Variants in TMEM117 observed in about 807,000 individuals in gnomAD.
TMEM117 encodes the protein transmembrane protein 117.
In TMEM117, 27 loss-of-function variants were observed where a neutral mutation model predicts 52.4. The observed-to-expected ratio is 0.51, with a 90% CI of 0.38 to 0.71. TMEM117 has a LOEUF of 0.71. Among genes scored for constraint, TMEM117 ranks in the 30% least tolerant of loss-of-function variants. The pLI is 0.00. For synonymous variants in TMEM117, 215 were observed against 206.3 expected (o/e 1.04, Z -0.36); for missense variants, 556 against 630.5 (o/e 0.88, Z 1.26).
At chr12:44,055,699 A>C (rs1465063555) in intron 3 of TMEM117, among the ~76,000 whole-genome samples, 1 of 152,162 alleles carries the variant, frequency 6.6e-6, no homozygotes, top group Non-Finnish European at 1.5e-5. Context: ...ATATTTGTAA[A>C]GTGCTTAGAA....
chr12:44,190,769 T>C (rs913343937), intron 4 of TMEM117, among the ~76,000 whole-genome samples: 8 of 151,808 alleles, frequency 5.3e-5, no homozygotes, highest in Admixed American at 2.6e-4. Flanking sequence ...TCCCAACAAG[T>C]GTGAAGAGAT....
chr12:44,270,570 T>C (rs1950434147), intron 5 of TMEM117, among the ~76,000 whole-genome samples: 2 of 152,098 alleles, frequency 1.3e-5, no homozygotes, highest in Admixed American at 1.3e-4. Context: ...AGAGTGACAG[T>C]TTTACTTCCT....
intron 3 of TMEM117, among the ~76,000 whole-genome samples, chr12:44,015,529 G>A (rs890609284): frequency 1.3e-5 from 2 of 151,968 alleles, no homozygotes; most frequent in African/African-American, 4.8e-5. Flanking sequence ...AATTAAAATC[G>A]CTAGAGGGCA....
chr12:43,926,418 A>G (rs992326396), intron 2 of TMEM117, among the ~76,000 whole-genome samples: 1 of 152,204 alleles, frequency 6.6e-6, no homozygotes, highest in South Asian at 2.1e-4. Context: ...AAACATTTTC[A>G]TAAGCTAGGG....
chr12:44,388,419 A>C lies in TMEM117; in HGVS notation c.1292A>C (p.Tyr431Ser). The C allele has an allele frequency of 6.2e-7, 1 of 1,613,444 alleles. No individual in the cohort carries two copies. Among genetic ancestry groups the C allele is most frequent in the Non-Finnish European group, 8.5e-7 (1 of 1,179,662 alleles). ...CGCATGGAGAATCAAGACAAAACTT[A>C]CACTCGCATGAAAAGAAAATCTCCA... is the stretch of plus-strand genomic sequence containing the variant. ...EPRMENQDKTYTRMKRKSPSE... is the reference protein window; with the variant it reads ...EPRMENQDKTSTRMKRKSPSE... The change falls in exon 8 of 8, where the codon TAC becomes TCC. Residue 431 changes from tyrosine (Y) to serine (S), a missense_variant. Around this residue, in one of 3 missense-constraint regions of TMEM117, gnomAD observed 206 missense variants for 211.1 expected, o/e 0.98. Coordinates refer to ENST00000266534, the MANE Select transcript of TMEM117 (RefSeq NM_032256.3).
intron 3 of TMEM117, among the ~76,000 whole-genome samples, chr12:43,977,277 G>A (rs779597803): frequency 2.0e-5 from 3 of 152,062 alleles, no homozygotes; most frequent in Non-Finnish European, 4.4e-5. Context: ...AATGTCCGGG[G>A]CTTGTGTCAT....
intron 6 of TMEM117, among the ~76,000 whole-genome samples, chr12:44,374,032 T>G (rs1453371251): frequency 6.6e-6 from 1 of 152,040 alleles, no homozygotes; most frequent in Non-Finnish European, 1.5e-5. Context: ...TCTGCCCACC[T>G]CTGTCTCCCA....
At position 43,880,157 on chromosome 12, in the gene TMEM117, C is replaced by T. The variant is rs374233308; in HGVS notation, c.277+35229C>T. 5.3e-5 allele frequency among the ~76,000 whole-genome samples: 8 copies of T among 152,118 alleles called. No individual in the cohort carries two copies. The East Asian group carries it at 5.8e-4, about 11-fold the overall frequency. On this transcript the variant is annotated intron_variant, in intron 2 of 7. Coordinates refer to ENST00000266534, the MANE Select transcript of TMEM117 (RefSeq NM_032256.3). Reference sequence around the variant, plus strand: ...AAAATAAAGTAATAATGCCTGTCCTCAATTCTACGAATTTATGAAGATCAA... The same window carrying T: ...AAAATAAAGTAATAATGCCTGTCCTTAATTCTACGAATTTATGAAGATCAA...
At chr12:44,216,668 T>C (rs1949722758) in intron 5 of TMEM117, among the ~76,000 whole-genome samples, 1 of 152,124 alleles carries the variant, frequency 6.6e-6, no homozygotes. Context: ...TATTTGAGTA[T>C]TATAGTGGCA....
intron 5 of TMEM117, among the ~76,000 whole-genome samples, chr12:44,240,480 T>C (rs1368697584): frequency 4.6e-5 from 7 of 152,082 alleles, no homozygotes; most frequent in East Asian, 1.9e-4. Context: ...GGAACAGATA[T>C]TGCAACAATT....
At chr12:44,062,840 G>T (rs1381137095) in intron 3 of TMEM117, among the ~76,000 whole-genome samples, 1 of 152,236 alleles carries the variant, frequency 6.6e-6, no homozygotes, top group Non-Finnish European at 1.5e-5. Context: ...ACAAGAAACT[G>T]CAAGTGATCA....
At chr12:43,808,255 T>C in the TMEM117 span, among the ~76,000 whole-genome samples, 3 of 152,240 alleles carry the variant, frequency 2.0e-5, no homozygotes, top group African/African-American at 7.2e-5. Flanking sequence ...TCAAAATGGC[T>C]GAATATGGCT....
chr12:44,033,622 A>T (rs915350915), intron 3 of TMEM117, among the ~76,000 whole-genome samples: 3 of 152,258 alleles, frequency 2.0e-5, no homozygotes, highest in African/African-American at 7.2e-5. Context: ...AAGGTCACAC[A>T]CATGATGTGA....
At chr12:44,025,134 A>C (rs1171812921) in intron 3 of TMEM117, among the ~76,000 whole-genome samples, 1 of 152,172 alleles carries the variant, frequency 6.6e-6, no homozygotes, top group Non-Finnish European at 1.5e-5. Flanking sequence ...TATAATGCTC[A>C]AATGGTTGTT....
intron 5 of TMEM117, among the ~76,000 whole-genome samples, chr12:44,277,283 A>G (rs1056586079): frequency 7.2e-5 from 11 of 152,146 alleles, no homozygotes; most frequent in African/African-American, 2.4e-4. Context: ...AGAGCTAAAC[A>G]TTTCTTTTCT....
chr12:44,190,436 G>A (rs1481543532), intron 4 of TMEM117, among the ~76,000 whole-genome samples: 2 of 152,162 alleles, frequency 1.3e-5, no homozygotes, highest in Non-Finnish European at 2.9e-5. Flanking sequence ...GCCCTGGGGT[G>A]AGGCTCGGCA....
chr12:44,007,600 A>G (rs1331420499), intron 3 of TMEM117, among the ~76,000 whole-genome samples: 1 of 152,104 alleles, frequency 6.6e-6, no homozygotes, highest in Non-Finnish European at 1.5e-5. Flanking sequence ...GGATAGTACT[A>G]AGCCCTCTAA....
At chr12:44,231,170 T>C (rs1468560716) in intron 5 of TMEM117, among the ~76,000 whole-genome samples, 1 of 151,974 alleles carries the variant, frequency 6.6e-6, no homozygotes, top group Non-Finnish European at 1.5e-5. Flanking sequence ...TGCTTTTCTT[T>C]ATCATTTCAC....
At chr12:43,979,567 G>A (rs758744458) in intron 3 of TMEM117, among the ~76,000 whole-genome samples, 3 of 152,102 alleles carry the variant, frequency 2.0e-5, no homozygotes, top group Non-Finnish European at 4.4e-5. Flanking sequence ...TAGTATAAAA[G>A]CAGTCTTTTA....
Sources: gnomAD v4.1 joint callset for allele counts (sites outside exome capture counted in the v4.1 genomes callset) on GRCh38, gnomAD v4.1.1 for gene constraint, gnomAD v4.1.1 regional missense constraint, MANE v1.5 for transcripts, NCBI Gene and HGNC (gene_info 2026-07-23, HGNC 2026-07-21) for gene names.